Variants in PI4KA observed in about 807,000 individuals in gnomAD.
The protein encoded by PI4KA is phosphatidylinositol 4-kinase alpha, also known as PI4-kinase alpha.
Under a neutral mutation model 271.4 loss-of-function variants are expected in PI4KA, and 122 were observed. That is an observed-to-expected ratio of 0.45 (90% CI 0.39 to 0.52). The LOEUF (loss-of-function observed/expected upper bound fraction) is 0.52. PI4KA is among the 20% of genes least tolerant of loss of function. The pLI is 0.00. For synonymous variants in PI4KA, 1,041 were observed against 1,078.8 expected (o/e 0.96, Z 0.69); for missense variants, 1,969 against 2,769.1 (o/e 0.71, Z 6.48).
chr22:20,849,581 A>T (rs1225850350), intron 1 of PI4KA, among the ~76,000 whole-genome samples: 4 of 152,176 alleles, frequency 2.6e-5, no homozygotes, highest in Non-Finnish European at 5.9e-5. Flanking sequence ...TGGCAGGTGC[A>T]GTGGCTCACA....
intron 14 of PI4KA, among the ~76,000 whole-genome samples, chr22:20,800,317 C>G: frequency 6.6e-6 from 1 of 152,070 alleles, no homozygotes; most frequent in East Asian, 1.9e-4. Flanking sequence ...GGGCAAGGAA[C>G]CAGAATCCAG....
intron 42 of PI4KA, chr22:20,726,213 G>C (rs1178086870): frequency 2.7e-6 from 1 of 366,252 alleles, no homozygotes; most frequent in Non-Finnish European, 4.9e-6. Context: ...CCGATGAGAG[G>C]GAAGCCTGGC....
chr22:20,838,631 A>G lies in PI4KA; in HGVS notation c.257T>C (p.Ile86Thr). Reference protein sequence around the residue: ...DAVIALGIFLIESDLQHKDCV... With the variant: ...DAVIALGIFLTESDLQHKDCV... ...AAGACTTACCTGAAGATCAGATTCA[A>G]TCAGAAAAATGCCCAATGCAATCAC... Residue 86 changes from isoleucine (I) to threonine (T), a missense_variant, in exon 2 of 55, where the codon ATT (isoleucine) becomes ACT (threonine). By Grantham distance (89) the Ile-to-Thr change is moderately conservative. Transcript: ENST00000255882. 1 of 1,601,492 alleles carries G rather than the reference A, an allele frequency of 6.2e-7. No homozygotes were observed. Among genetic ancestry groups the G allele is most frequent in the Non-Finnish European group, 8.6e-7 (1 of 1,168,570 alleles).
At chr22:20,816,319 G>C (rs954730474) in intron 7 of PI4KA, among the ~76,000 whole-genome samples, 2 of 152,006 alleles carry the variant, frequency 1.3e-5, no homozygotes, top group Non-Finnish European at 2.9e-5. Flanking sequence ...TAGTTTTTAA[G>C]GGTCTCACTA....
intron 4 of PI4KA, among the ~76,000 whole-genome samples, chr22:20,823,196 G>A (rs1036269581): frequency 1.3e-5 from 2 of 152,136 alleles, no homozygotes; most frequent in African/African-American, 4.8e-5. Context: ...TTACAAGCCT[G>A]AGCCACCGCA....
At chr22:20,764,710 C>A (rs1932342561) in intron 22 of PI4KA, 107 bp downstream of exon 22, 2 of 1,226,734 alleles carry the variant, frequency 1.6e-6, no homozygotes, top group South Asian at 3.5e-5. Flanking sequence ...AGAAAGTTTG[C>A]ATGTCTTGGG....
intron 19 of PI4KA, among the ~76,000 whole-genome samples, chr22:20,792,084 G>A (rs753009793): frequency 6.6e-6 from 1 of 152,126 alleles, no homozygotes; most frequent in African/African-American, 2.4e-5. Context: ...CTGGGTGACA[G>A]AGTGAGAATC....
chr22:20,789,362 C>T (rs1315618240), intron 19 of PI4KA, among the ~76,000 whole-genome samples: 3 of 152,310 alleles, frequency 2.0e-5, no homozygotes, highest in South Asian at 2.1e-4. Context: ...CGGAGTCTCG[C>T]TCTGTTGCCC....
intron 17 of PI4KA, among the ~76,000 whole-genome samples, chr22:20,796,650 G>GC (rs1182278167): frequency 6.6e-6 from 1 of 152,218 alleles, no homozygotes; most frequent in African/African-American, 2.4e-5. Flanking sequence ...AAATGAAAGG[G>GC]CCCATGCCCA....
intron 9 of PI4KA, among the ~76,000 whole-genome samples, chr22:20,810,409 G>A (rs62240497): frequency 2.4e-4 from 36 of 151,984 alleles, no homozygotes; most frequent in African/African-American, 7.7e-4. Context: ...CTTAGGAAGC[G>A]GAGGTAGGAG....
chr22:20,761,174 C>A, intron 23 of PI4KA, 130 bp downstream of exon 23: 1 of 663,628 alleles, frequency 1.5e-6, no homozygotes, highest in Admixed American at 2.4e-5. Context: ...ATGTTTTATA[C>A]TGATCTTTCT....
intron 6 of PI4KA, among the ~76,000 whole-genome samples, 170 bp downstream of exon 6, chr22:20,819,470 TC>T (rs1415517609): frequency 6.6e-6 from 1 of 152,046 alleles, no homozygotes; most frequent in African/African-American, 2.4e-5. Flanking sequence ...TATAAGCCCT[TC>T]CCCCCAACAT....
rs361978 is a variant in PI4KA at position 20,853,975 on chromosome 22, GAA to G, written c.156+4593_156+4594del. ...TTTCATTGGTTCATTAAAGGAAAGA[GAA>G]AAAAAAAAAAGAGTAGACGGGAAAC... On this transcript the variant is annotated intron_variant, in intron 1 of 54. Coordinates refer to ENST00000255882, the MANE Select transcript of PI4KA (RefSeq NM_058004.4). 7.9e-3 allele frequency among the ~76,000 whole-genome samples: 1,149 copies of G among 145,210 alleles called. 13 individuals carry two copies. Among genetic ancestry groups the G allele is most frequent in the African/African-American group, 0.026 (1,036 of 39,782 alleles).
rs1185793559 is a variant in PI4KA, at chr22:20,814,303, A to G, written c.857-797T>C. Among the ~76,000 whole-genome samples, 3 of 152,264 alleles carry G rather than the reference A, an allele frequency of 2.0e-5. No homozygotes were observed. The East Asian group carries it at 5.8e-4, about 29-fold the overall frequency. On this transcript the variant is annotated intron_variant, in intron 7 of 54. Coordinates refer to ENST00000255882, the MANE Select transcript of PI4KA (RefSeq NM_058004.4). The stretch of plus-strand genomic sequence containing the variant: ...AGGAACTTAAATCATACATAGAGGT[A>G]GAATGGTAGCTATCAGTGACTGGGG...
intron 19 of PI4KA, among the ~76,000 whole-genome samples, chr22:20,768,037 G>C (rs1025481977): frequency 2.0e-5 from 3 of 151,604 alleles, no homozygotes; most frequent in African/African-American, 4.8e-5. Context: ...CAAACTTGGG[G>C]AGGGGAGAAA....
intron 19 of PI4KA, among the ~76,000 whole-genome samples, chr22:20,790,136 G>A (rs1001708098): frequency 2.0e-5 from 3 of 152,006 alleles, no homozygotes; most frequent in African/African-American, 4.8e-5. Flanking sequence ...ACAAAGTTGC[G>A]GTACAAAGAT....
intron 43 of PI4KA, 122 bp downstream of exon 43, chr22:20,721,175 TG>T: frequency 1.1e-6 from 1 of 939,214 alleles, no homozygotes; most frequent in Non-Finnish European, 1.7e-6. Flanking sequence ...CAGCAAAGGG[TG>T]GGAGTGGAGG....
chr22:20,736,061 T>TAC (rs1247089572), intron 32 of PI4KA, among the ~76,000 whole-genome samples: 4 of 151,792 alleles, frequency 2.6e-5, no homozygotes, highest in Non-Finnish European at 5.9e-5. Flanking sequence ...AGAAATAAGC[T>TAC]ACACACACTG....
At chr22:20,745,388 T>G (rs1312134377) in intron 29 of PI4KA, among the ~76,000 whole-genome samples, 3 of 152,138 alleles carry the variant, frequency 2.0e-5, no homozygotes, top group Non-Finnish European at 4.4e-5. Context: ...GAGTACAGCA[T>G]GCATTGAAAA....
Sources: gnomAD v4.1 joint callset for allele counts (sites outside exome capture counted in the v4.1 genomes callset) on GRCh38, gnomAD v4.1.1 for gene constraint, MANE v1.5 for transcripts, NCBI Gene and HGNC (gene_info 2026-07-23, HGNC 2026-07-21) for gene names.